MEIKIN: variants seen among roughly 807,000 people sequenced by gnomAD.
MEIKIN encodes the protein meiotic kinetochore factor.
chr5:131,893,098 G>A lies in MEIKIN; in HGVS notation c.704-14050C>T, dbSNP rs1242720185. 3.9e-5 allele frequency among the ~76,000 whole-genome samples: 6 copies of A among 152,112 alleles called. No homozygotes were observed. The South Asian group carries it at 1.0e-3, about 26-fold the overall frequency. ...GAAGTTTTATCTCAGAGGAGTATGC[G>A]GCCATGTGAGGTGTCAGGCTGTCAG... On this transcript the variant is annotated intron_variant, in intron 8 of 12. Coordinates refer to ENST00000442687, the MANE Select transcript of MEIKIN (RefSeq NM_001303622.2).
chr5:131,807,117 A>T lies in MEIKIN; in HGVS notation c.*119T>A, dbSNP rs184181055. 556 of 396,882 alleles carry T rather than the reference A, an allele frequency of 1.4e-3. 1 individual carries two copies. The highest frequency in any genetic ancestry group is 5.8e-3 in the African/African-American group (284 of 48,718). 24.6% of individuals were successfully genotyped at this position (396,882 alleles called of 1,614,324 possible). A position where few individuals can be genotyped will look rare whatever the true frequency, so the allele number is the denominator to read the frequency against. ...ATTTCAACATAGAGATATATCACAAATAACTGGAGAATTTTTAATTTTTAA... is the reference window on the plus strand; with the variant it reads ...ATTTCAACATAGAGATATATCACAATTAACTGGAGAATTTTTAATTTTTAA... On this transcript the variant is annotated 3_prime_UTR_variant, in exon 13 of 13. Coordinates refer to ENST00000442687, the MANE Select transcript of MEIKIN (RefSeq NM_001303622.2).
intron 8 of MEIKIN, among the ~76,000 whole-genome samples, chr5:131,894,819 T>C (rs1323567673): frequency 6.6e-6 from 1 of 152,226 alleles, no homozygotes; most frequent in Non-Finnish European, 1.5e-5. Context: ...TGGGGTTTTC[T>C]AGATATACAA....
chr5:131,926,389 C>T (rs1352906075), intron 5 of MEIKIN, among the ~76,000 whole-genome samples: 1 of 152,114 alleles, frequency 6.6e-6, no homozygotes, highest in Non-Finnish European at 1.5e-5. Flanking sequence ...ATAAACGCCA[C>T]CTGGTCATGG....
At chr5:131,918,314 T>A (rs1413938915) in intron 6 of MEIKIN, among the ~76,000 whole-genome samples, 2 of 152,220 alleles carry the variant, frequency 1.3e-5, no homozygotes, top group Non-Finnish European at 2.9e-5. Context: ...TGGTAACAAA[T>A]TCCCTTTTTA....
chr5:131,831,410 A>G (rs550592734), intron 11 of MEIKIN, among the ~76,000 whole-genome samples: 11 of 152,330 alleles, frequency 7.2e-5, no homozygotes, highest in African/African-American at 2.6e-4. Flanking sequence ...ATTAAAAATT[A>G]GCCAGTTGTG....
intron 9 of MEIKIN, among the ~76,000 whole-genome samples, chr5:131,863,631 C>G (rs1750329492): frequency 7.6e-6 from 1 of 132,432 alleles, no homozygotes; most frequent in South Asian, 2.5e-4. Flanking sequence ...ACTACTCCTG[C>G]TCAGTTATGG....
chr5:131,885,537 C>T (rs183965286), intron 8 of MEIKIN, among the ~76,000 whole-genome samples: 1 of 152,308 alleles, frequency 6.6e-6, no homozygotes, highest in Non-Finnish European at 1.5e-5. Context: ...GGTGGTACCT[C>T]CATAAGTCTG....
chr5:131,895,080 G>A (rs750477416), intron 8 of MEIKIN, among the ~76,000 whole-genome samples: 60 of 152,258 alleles, frequency 3.9e-4, no homozygotes, highest in Middle Eastern at 3.4e-3. Context: ...CTAGTTTATT[G>A]AAAATTTTTA....
At chr5:131,929,267 C>T (rs1165844952) in intron 5 of MEIKIN, among the ~76,000 whole-genome samples, 1 of 152,130 alleles carries the variant, frequency 6.6e-6, no homozygotes, top group Non-Finnish European at 1.5e-5. Context: ...TATACTGTTT[C>T]TCAGTGTGGA....
intron 11 of MEIKIN, among the ~76,000 whole-genome samples, chr5:131,846,661 A>T (rs999205057): frequency 6.6e-6 from 1 of 152,172 alleles, no homozygotes; most frequent in Non-Finnish European, 1.5e-5. Flanking sequence ...TCTCTACAAA[A>T]AATACAAAAA....
intron 11 of MEIKIN, among the ~76,000 whole-genome samples, chr5:131,821,531 T>A (rs1749505100): frequency 6.6e-6 from 1 of 151,992 alleles, no homozygotes; most frequent in South Asian, 2.1e-4. Flanking sequence ...CAGTGCAGAT[T>A]AAGTCTGATG....
At chr5:131,807,861 T>C (rs896823155) in intron 12 of MEIKIN, among the ~76,000 whole-genome samples, 3 of 152,160 alleles carry the variant, frequency 2.0e-5, no homozygotes, top group African/African-American at 7.2e-5. Context: ...CTCTGAAATT[T>C]TGTTGCATCT....
At chr5:131,900,841 G>C (rs1319615975) in intron 8 of MEIKIN, among the ~76,000 whole-genome samples, 1 of 152,144 alleles carries the variant, frequency 6.6e-6, no homozygotes, top group Non-Finnish European at 1.5e-5. Flanking sequence ...CAGAGCTCCA[G>C]GAGAGCAGAC....
chr5:131,849,114 T>C (rs1750066598), intron 11 of MEIKIN, among the ~76,000 whole-genome samples: 1 of 152,126 alleles, frequency 6.6e-6, no homozygotes, highest in African/African-American at 2.4e-5. Flanking sequence ...CCAAATCTCA[T>C]GTGAAATTGT....
At chr5:131,880,548 T>C (rs1357147102) in intron 8 of MEIKIN, among the ~76,000 whole-genome samples, 49 of 152,202 alleles carry the variant, frequency 3.2e-4, no homozygotes, top group Admixed American at 3.2e-3. Flanking sequence ...GGTCCAGCTT[T>C]TCTTTATTCT....
chr5:131,914,046 T>C (rs1459756182), intron 7 of MEIKIN, among the ~76,000 whole-genome samples: 3 of 152,200 alleles, frequency 2.0e-5, no homozygotes, highest in South Asian at 4.2e-4. Flanking sequence ...TATGTTATCA[T>C]GGGAATGGTA....
chr5:131,929,036 T>C (rs1490589422), intron 5 of MEIKIN, among the ~76,000 whole-genome samples: 3 of 152,242 alleles, frequency 2.0e-5, no homozygotes, highest in Middle Eastern at 3.2e-3. Context: ...GGGAAACTCC[T>C]TGTCTCTCCA....
intron 9 of MEIKIN, among the ~76,000 whole-genome samples, chr5:131,878,294 G>A (rs781657536): frequency 6.6e-6 from 1 of 152,150 alleles, no homozygotes; most frequent in East Asian, 1.9e-4. Flanking sequence ...TTGGCTGGGC[G>A]CGGTGGCTCA....
intron 11 of MEIKIN, among the ~76,000 whole-genome samples, chr5:131,831,051 T>C (rs900208529): frequency 1.3e-5 from 2 of 152,070 alleles, no homozygotes; most frequent in Admixed American, 6.6e-5. Context: ...GTGTGCGCCA[T>C]TGCACCTGGC....
Sources: gnomAD v4.1 joint callset for allele counts (sites outside exome capture counted in the v4.1 genomes callset) on GRCh38, gnomAD v4.1.1 for gene constraint, MANE v1.5 for transcripts, NCBI Gene and HGNC (gene_info 2026-07-23, HGNC 2026-07-21) for gene names.